The following SWT1 variants were observed in gnomAD, a reference collection of about 807,000 sequenced individuals.
SWT1 encodes the protein SWT1 RNA endoribonuclease homolog.
A neutral mutation model predicts 107.3 loss-of-function variants in SWT1; 33 were observed. The ratio of observed to expected loss-of-function variants is 0.31; its 90% CI spans 0.23 to 0.41. The LOEUF is 0.41. Ranked by LOEUF, SWT1 falls within the 10% of genes least tolerant of loss-of-function variation. The pLI is 1.00. For missense variants in SWT1, 898 were observed against 1,028.9 expected (o/e 0.87, Z 1.74); for synonymous variants, 345 against 348.3 (o/e 0.99, Z 0.11).
At chr1:185,227,292 T>A in intron 15 of SWT1, 1 of 747,738 alleles carries the variant, frequency 1.3e-6, no homozygotes, top group Non-Finnish European at 2.5e-6. Context: ...TGGCTGACCA[T>A]CGGTGCTCTC....
intron 5 of SWT1, chr1:185,177,159 G>T: frequency 2.0e-6 from 1 of 508,740 alleles, no homozygotes; most frequent in Non-Finnish European, 2.5e-6. Flanking sequence ...TGTTTTCACT[G>T]CTTTCTTAAA....
In SWT1 at chr1:185,290,891, C is replaced by A; in HGVS notation, c.*88C>A. 1.5e-5 allele frequency: 17 copies of A among 1,119,198 alleles called. No homozygotes were observed. Among genetic ancestry groups the A allele is most frequent in the Non-Finnish European group, 2.0e-5 (16 of 805,202 alleles). 69.3% of individuals were successfully genotyped at this position (1,119,198 alleles called of 1,614,324 possible). ...TCTGGTCACTCTTTTGGGCCAAACC[C>A]AAGAGAATTTTAAGAAATGTTTCAT... On this transcript the variant is annotated 3_prime_UTR_variant, in exon 19 of 19. Transcript: ENST00000367500.
intron 16 of SWT1, among the ~76,000 whole-genome samples, chr1:185,254,935 C>G (rs1191079034): frequency 6.6e-6 from 1 of 152,096 alleles, no homozygotes; most frequent in Non-Finnish European, 1.5e-5. Context: ...AAAATTCCCT[C>G]TACACACTGC....
At chr1:185,257,440 G>A (rs1662652676) in intron 16 of SWT1, among the ~76,000 whole-genome samples, 1 of 152,124 alleles carries the variant, frequency 6.6e-6, no homozygotes, top group South Asian at 2.1e-4. Flanking sequence ...GAGACTCCGT[G>A]GGCGTAGGAC....
At chr1:185,215,696 C>T (rs996673151) in intron 14 of SWT1, among the ~76,000 whole-genome samples, 3 of 152,052 alleles carry the variant, frequency 2.0e-5, no homozygotes, top group Non-Finnish European at 4.4e-5. Flanking sequence ...GGCACCACCA[C>T]ACCTGGCTAA....
At chr1:185,196,838 A>T (rs1657432488) in intron 10 of SWT1, among the ~76,000 whole-genome samples, 1 of 151,898 alleles carries the variant, frequency 6.6e-6, no homozygotes, top group Admixed American at 6.6e-5. Flanking sequence ...TTGATTTTGT[A>T]TCCTGAGACT....
intron 2 of SWT1, among the ~76,000 whole-genome samples, chr1:185,162,889 T>A (rs1654268292): frequency 6.6e-6 from 1 of 151,606 alleles, no homozygotes; most frequent in African/African-American, 2.4e-5. Context: ...AGTTTGAGGC[T>A]CAAGGGATCC....
In SWT1 at chr1:185,202,831, T is replaced by C. The variant is rs766843268; in HGVS notation, c.1669+32T>C. ...TTTTTACTATAAATAATTAGAGATATATCTTATTTTATACACTAAGATTAT... is the reference window on the plus strand; with the variant it reads ...TTTTTACTATAAATAATTAGAGATACATCTTATTTTATACACTAAGATTAT... On this transcript the variant is annotated intron_variant, in intron 11 of 18. Coordinates refer to ENST00000367500, the MANE Select transcript of SWT1 (RefSeq NM_017673.7). 4.4e-5 allele frequency: 53 copies of C among 1,201,402 alleles called. No homozygotes were observed. The East Asian group carries it at 1.4e-3, about 31-fold the overall frequency. The allele number at this position is 1,201,402 out of a possible 1,614,324, so 74.4% of individuals were successfully genotyped here.
chr1:185,203,191 A>C (rs991294321), intron 11 of SWT1, among the ~76,000 whole-genome samples: 2 of 152,232 alleles, frequency 1.3e-5, no homozygotes, highest in African/African-American at 4.8e-5. Context: ...TTTAGTTGAC[A>C]TAGAGATAAT....
intron 15 of SWT1, among the ~76,000 whole-genome samples, chr1:185,230,250 A>C (rs1660413166): frequency 6.6e-6 from 1 of 152,232 alleles, no homozygotes; most frequent in African/African-American, 2.4e-5. Flanking sequence ...TTAGTTTCCT[A>C]CAGCTGCTGT....
chr1:185,272,163 A>G (rs1385879750), intron 17 of SWT1, among the ~76,000 whole-genome samples: 1 of 152,224 alleles, frequency 6.6e-6, no homozygotes, highest in Non-Finnish European at 1.5e-5. Context: ...AAGGAGAGCT[A>G]TAATTTAGTT....
intron 10 of SWT1, among the ~76,000 whole-genome samples, chr1:185,196,479 C>T (rs1657401071): frequency 6.6e-6 from 1 of 152,090 alleles, no homozygotes; most frequent in African/African-American, 2.4e-5. Context: ...GCTCTTTCTT[C>T]TTTCCATATG....
intron 18 of SWT1, chr1:185,280,734 G>A: frequency 3.9e-6 from 1 of 256,302 alleles, no homozygotes; most frequent in South Asian, 4.4e-5. Context: ...GGCAGTAGCT[G>A]CCAAACTGGA....
chr1:185,216,062 A>G (rs1327143927), intron 14 of SWT1, among the ~76,000 whole-genome samples: 1 of 152,218 alleles, frequency 6.6e-6, no homozygotes, highest in Admixed American at 6.5e-5. Context: ...GGATTAGATG[A>G]TACTAACATT....
intron 13 of SWT1, among the ~76,000 whole-genome samples, chr1:185,209,077 C>T (rs777371758): frequency 3.9e-5 from 6 of 151,964 alleles, no homozygotes; most frequent in African/African-American, 7.3e-5. Flanking sequence ...ACATGCAAGA[C>T]GTGGATCATG....
Position 185,166,562 on chromosome 1 carries a change from G to T in SWT1, c.85-10G>T. The T allele has an allele frequency of 6.4e-7, 1 of 1,551,572 alleles. No individual in the cohort carries two copies. Among genetic ancestry groups the T allele is most frequent in the Non-Finnish European group, 8.8e-7 (1 of 1,132,718 alleles). On this transcript the variant is annotated splice_polypyrimidine_tract_variant and intron_variant, in intron 2 of 18. Coordinates refer to ENST00000367500, the MANE Select transcript of SWT1 (RefSeq NM_017673.7). The stretch of plus-strand genomic sequence containing the variant: ...CTTTTTAAAATTCATTTTCTTTATT[G>T]CATTCTTAGGACAAGAAAGAGAGAA...
intron 5 of SWT1, chr1:185,176,591 G>A (rs1007653064): frequency 4.1e-6 from 4 of 983,332 alleles, no homozygotes; most frequent in Non-Finnish European, 4.8e-6. Flanking sequence ...AGAACTTTCA[G>A]AACTGTGGAA....
At chr1:185,166,444 A>G (rs1342867907) in intron 2 of SWT1, 128 bp from the exon 3 acceptor site, 5 of 596,574 alleles carry the variant, frequency 8.4e-6, no homozygotes, top group Non-Finnish European at 1.4e-5. Flanking sequence ...ATCTGTAAAC[A>G]TTGTTCCCCA....
intron 10 of SWT1, among the ~76,000 whole-genome samples, chr1:185,200,276 G>GC (rs1657763623): frequency 6.6e-6 from 1 of 152,016 alleles, no homozygotes; most frequent in African/African-American, 2.4e-5. Context: ...TCTGTGTCTA[G>GC]TTTTTTTCTC....
Sources: gnomAD v4.1 joint callset for allele counts (sites outside exome capture counted in the v4.1 genomes callset) on GRCh38, gnomAD v4.1.1 for gene constraint, MANE v1.5 for transcripts, NCBI Gene and HGNC (gene_info 2026-07-23, HGNC 2026-07-21) for gene names.